The following UBE2Q2 variants were observed in gnomAD, a reference collection of about 807,000 sequenced individuals.
UBE2Q2 encodes ubiquitin-conjugating enzyme E2 Q2.
In UBE2Q2, 54 loss-of-function variants were observed where a neutral mutation model predicts 59.9. The observed-to-expected ratio is 0.90, with a 90% CI of 0.72 to 1.13. UBE2Q2 has a LOEUF of 1.13. Among genes scored for constraint, UBE2Q2 ranks in the 50% most tolerant of loss-of-function variants. The pLI is 0.00. For synonymous variants in UBE2Q2, 165 were observed against 155.2 expected, an observed-to-expected ratio of 1.06 and a Z score of -0.47; for missense variants, 433 against 441.9, an observed-to-expected ratio of 0.98 and a Z score of 0.18.
chr15:75,886,868 T>C (rs1436261967), intron 9 of UBE2Q2, among the ~76,000 whole-genome samples: 2 of 151,804 alleles, frequency 1.3e-5, no homozygotes, highest in Non-Finnish European at 2.9e-5. Context: ...GTCTCAAATT[T>C]TTTTTTTTTT....
chr15:75,863,188 G>A (rs575411544), intron 3 of UBE2Q2, among the ~76,000 whole-genome samples: 10 of 152,198 alleles, frequency 6.6e-5, no homozygotes, highest in East Asian at 3.9e-4. Flanking sequence ...TCTTCAGGGC[G>A]CTGTGAGATA....
At chr15:75,871,441 C>A (rs1897785285) in intron 4 of UBE2Q2, among the ~76,000 whole-genome samples, 1 of 152,234 alleles carries the variant, frequency 6.6e-6, no homozygotes, top group East Asian at 1.9e-4. Context: ...TCTTTCCCTT[C>A]CCACGAGGCC....
chr15:75,899,034 G>A (rs556415797), intron 12 of UBE2Q2, among the ~76,000 whole-genome samples: 2 of 151,068 alleles, frequency 1.3e-5, no homozygotes, highest in African/African-American at 4.9e-5. Flanking sequence ...GTGGAGGTGG[G>A]TGGATCACCT....
chr15:75,892,521 TGAA>T (rs1899158190), intron 11 of UBE2Q2, among the ~76,000 whole-genome samples: 2 of 151,992 alleles, frequency 1.3e-5, no homozygotes, highest in South Asian at 2.1e-4. Context: ...CCAGGAATGA[TGAA>T]GAAGACCTGA....
intron 4 of UBE2Q2, among the ~76,000 whole-genome samples, chr15:75,873,217 A>ACCCAGAGT (rs1464610959): frequency 6.6e-6 from 1 of 152,202 alleles, no homozygotes. Flanking sequence ...AATCTGCTTT[A>ACCCAGAGT]CCCAGAGTCT....
intron 4 of UBE2Q2, among the ~76,000 whole-genome samples, chr15:75,871,687 T>TG (rs1045616716): frequency 6.6e-5 from 10 of 152,262 alleles, no homozygotes; most frequent in Admixed American, 2.0e-4. Flanking sequence ...AGCATGGGGT[T>TG]GGGGGTAAGG....
intron 3 of UBE2Q2, 35 bp from the exon 4 acceptor site, chr15:75,868,916 C>A: frequency 6.2e-7 from 1 of 1,604,598 alleles, no homozygotes; most frequent in Non-Finnish European, 8.5e-7. Flanking sequence ...CATATTTGTT[C>A]TGTATAGCCC....
intron 1 of UBE2Q2, among the ~76,000 whole-genome samples, chr15:75,848,102 C>T (rs998582070): frequency 6.6e-6 from 1 of 152,070 alleles, no homozygotes; most frequent in African/African-American, 2.4e-5. Flanking sequence ...TACTGTGTTT[C>T]TGTGTACTAT....
At chr15:75,843,934 G>C (rs1414003144) in intron 1 of UBE2Q2, 88 bp downstream of exon 1, 3 of 1,428,012 alleles carry the variant, frequency 2.1e-6, no homozygotes, top group Non-Finnish European at 2.7e-6. Flanking sequence ...GCCTGCCCCG[G>C]AGAGGCTCCG....
At chr15:75,895,399 T>G (rs1899354959) in intron 11 of UBE2Q2, 1 of 151,862 alleles carries the variant, frequency 6.6e-6, no homozygotes, top group Admixed American at 6.6e-5. Context: ...GTCAGGCTGG[T>G]CTTGAACTCC....
At chr15:75,877,389 A>G (rs1446376018) in intron 6 of UBE2Q2, among the ~76,000 whole-genome samples, 1 of 152,042 alleles carries the variant, frequency 6.6e-6, no homozygotes, top group African/African-American at 2.4e-5. Flanking sequence ...CTAAAAGTTT[A>G]TCTGTAGAAA....
chr15:75,863,104 G>T (rs1040923290), intron 3 of UBE2Q2, among the ~76,000 whole-genome samples: 1 of 152,134 alleles, frequency 6.6e-6, no homozygotes, highest in Non-Finnish European at 1.5e-5. Context: ...CTGTATATAG[G>T]CTTTTGTTAA....
At chr15:75,895,156 A>T (rs984800925) in intron 11 of UBE2Q2, 6 of 151,782 alleles carry the variant, frequency 4.0e-5, no homozygotes, top group African/African-American at 1.4e-4. Context: ...ACTGCACTCC[A>T]GCCTGGGTGA....
chr15:75,848,932 G>A, intron 1 of UBE2Q2, among the ~76,000 whole-genome samples: 1 of 152,154 alleles, frequency 6.6e-6, no homozygotes, highest in Non-Finnish European at 1.5e-5. Flanking sequence ...AGCTTAGGTG[G>A]TTCAGATCCT....
At chr15:75,876,663 A>G (rs8034430) in intron 6 of UBE2Q2, among the ~76,000 whole-genome samples, 6,067 of 152,232 alleles carry the variant, frequency 0.04, 222 homozygotes, top group African/African-American at 0.095. Context: ...TGAAAGCAAG[A>G]TAATCAGCTT....
chr15:75,878,211 G>A (rs563167920), intron 7 of UBE2Q2, 190 bp downstream of exon 7: 2 of 538,402 alleles, frequency 3.7e-6, no homozygotes, highest in African/African-American at 3.9e-5. Flanking sequence ...GTGAGAAAGA[G>A]GAAGGACAGA....
chr15:75,871,721 G>T lies in UBE2Q2; in HGVS notation c.448-1707G>T, dbSNP rs189395301. 3.8e-3 allele frequency among the ~76,000 whole-genome samples: 572 copies of T among 152,292 alleles called. 4 individuals carry two copies. The highest frequency in any genetic ancestry group is 6.2e-3 in the Non-Finnish European group (424 of 68,026). On this transcript the variant is annotated intron_variant, in intron 4 of 12. Coordinates refer to ENST00000267938, the MANE Select transcript of UBE2Q2 (RefSeq NM_173469.4). Reference sequence around the variant, plus strand: ...GGTCAAAGATTAACAGAATCTCAAGGCAGAAGAATTTTTCTTAGTACAGAA... The same window carrying T: ...GGTCAAAGATTAACAGAATCTCAAGTCAGAAGAATTTTTCTTAGTACAGAA...
intron 8 of UBE2Q2, among the ~76,000 whole-genome samples, chr15:75,880,025 A>G (rs1199274085): frequency 6.6e-5 from 10 of 152,236 alleles, no homozygotes; most frequent in Non-Finnish European, 2.9e-5. Context: ...ACATGAGCAC[A>G]TAATTTACAA....
intron 10 of UBE2Q2, 64 bp downstream of exon 10, chr15:75,890,547 T>C: frequency 1.4e-6 from 2 of 1,453,396 alleles, no homozygotes; most frequent in East Asian, 4.5e-5. Flanking sequence ...GTAAATTAGA[T>C]TGTAAGTAGA....
Sources: gnomAD v4.1 joint callset for allele counts (sites outside exome capture counted in the v4.1 genomes callset) on GRCh38, gnomAD v4.1.1 for gene constraint, MANE v1.5 for transcripts, NCBI Gene and HGNC (gene_info 2026-07-23, HGNC 2026-07-21) for gene names.